The following MKLN1 variants were observed in gnomAD, a reference collection of about 807,000 sequenced individuals.
MKLN1 encodes the protein muskelin.
In MKLN1, 18 loss-of-function variants were observed where a neutral mutation model predicts 99.0. That is an observed-to-expected ratio of 0.18 (90% CI 0.13 to 0.27). MKLN1 has a LOEUF of 0.27. Among genes scored for constraint, MKLN1 ranks in the 10% least tolerant of loss-of-function variants. The pLI is 1.00. For missense variants in MKLN1, 621 were observed against 875.9 expected, an observed-to-expected ratio of 0.71 and a Z score of 3.67; for synonymous variants, 288 against 293.2, an observed-to-expected ratio of 0.98 and a Z score of 0.18.
chr7:131,463,508 C>A (rs373780497), intron 13 of MKLN1, 144 bp downstream of exon 13: 4 of 805,830 alleles, frequency 5.0e-6, no homozygotes, highest in Middle Eastern at 3.6e-4. Context: ...AAATCAATAT[C>A]GGTACCTATG....
chr7:131,113,667 C>CAAAAAAAAAAA (rs71168363), intron 1 of MKLN1, among the ~76,000 whole-genome samples: 1 of 96,464 alleles, frequency 1.0e-5, no homozygotes. Context: ...TACAAAAATA[C>CAAAAAAAAAAA]AAAAAAAAAA....
chr7:131,111,534 C>G (rs985077294), intron 1 of MKLN1, among the ~76,000 whole-genome samples: 1 of 152,172 alleles, frequency 6.6e-6, no homozygotes, highest in Non-Finnish European at 1.5e-5. Flanking sequence ...GGAAAGAAAT[C>G]TTTGCTTCCC....
chr7:131,355,307 T>G (rs1799839915), intron 1 of MKLN1, among the ~76,000 whole-genome samples: 1 of 152,154 alleles, frequency 6.6e-6, no homozygotes, highest in Admixed American at 6.5e-5. Flanking sequence ...CCTTATTTGT[T>G]GTATGGTCAT....
chr7:131,222,888 A>G (rs1286617000), intron 3 of MKLN1, among the ~76,000 whole-genome samples: 24 of 151,826 alleles, frequency 1.6e-4, no homozygotes, highest in African/African-American at 5.8e-4. Context: ...GAAAGAAAAT[A>G]AAAACTAGCC....
intron 7 of MKLN1, among the ~76,000 whole-genome samples, chr7:131,412,993 C>G (rs1239157663): frequency 6.6e-6 from 1 of 152,160 alleles, no homozygotes; most frequent in Non-Finnish European, 1.5e-5. Context: ...TTATAGCAAA[C>G]AGACAGTAAT....
chr7:131,481,438 A>G (rs973641129), intron 17 of MKLN1, among the ~76,000 whole-genome samples: 2 of 152,160 alleles, frequency 1.3e-5, no homozygotes, highest in African/African-American at 4.8e-5. Flanking sequence ...GCGATAACTC[A>G]TGCTTGTAAT....
intron 2 of MKLN1, among the ~76,000 whole-genome samples, chr7:131,381,480 C>A (rs1380805796): frequency 6.6e-6 from 1 of 152,052 alleles, no homozygotes; most frequent in Non-Finnish European, 1.5e-5. Context: ...AAAATATTGC[C>A]CCCATCACTG....
Position 131,467,761 on chromosome 7 carries a change from A to G in MKLN1, c.1928+1346A>G, listed in dbSNP as rs145898026. ...TTTTAAGTAGAGGAGTAACACATTC[A>G]GGCTTGTATTTTATAAAAATCATTC... is the stretch of plus-strand genomic sequence containing the variant. On this transcript the variant is annotated intron_variant, in intron 15 of 17. Transcript: ENST00000352689. Among the ~76,000 whole-genome samples the G allele has an allele frequency of 3.9e-5, 6 of 152,344 alleles. No homozygotes were observed. In the East Asian group the frequency reaches 1.2e-3, roughly 29 times the overall value.
At chr7:131,355,944 G>C (rs1016797434) in intron 1 of MKLN1, among the ~76,000 whole-genome samples, 2 of 150,876 alleles carry the variant, frequency 1.3e-5, no homozygotes, top group Admixed American at 1.3e-4. Flanking sequence ...TGTATGCTTT[G>C]TAATTACTTT....
chr7:131,123,188 T>C (rs940200354), intron 1 of MKLN1, among the ~76,000 whole-genome samples: 1 of 152,170 alleles, frequency 6.6e-6, no homozygotes. Context: ...GTAATAGATG[T>C]AGTTGAAACA....
At chr7:131,370,112 A>C (rs2116831421) in intron 1 of MKLN1, among the ~76,000 whole-genome samples, 1 of 152,370 alleles carries the variant, frequency 6.6e-6, no homozygotes, top group Non-Finnish European at 1.5e-5. Flanking sequence ...TGTTGGGATT[A>C]CAGGCGTGAG....
chr7:131,264,157 T>C (rs999747703), intron 3 of MKLN1, among the ~76,000 whole-genome samples: 3 of 152,148 alleles, frequency 2.0e-5, no homozygotes, highest in Non-Finnish European at 4.4e-5. Flanking sequence ...AATTTAGCCA[T>C]AGACAAATAG....
At position 131,389,089 on chromosome 7, in the gene MKLN1, A is replaced by G. The variant is rs1442567776; in HGVS notation, c.400+117A>G. The G allele has an allele frequency of 3.8e-5, 23 of 603,236 alleles. No homozygotes were observed. In the Admixed American group the frequency reaches 7.6e-4, roughly 20 times the overall value. The allele number at this position is 603,236 out of a possible 1,614,324, so 37.4% of individuals were successfully genotyped here. Reference sequence around the variant, plus strand: ...TTTTTTTAAATACAATTTTATGGGAATATTGCTGCGCTGGTTTGTTTACAT... The same window carrying G: ...TTTTTTTAAATACAATTTTATGGGAGTATTGCTGCGCTGGTTTGTTTACAT... On this transcript the variant is annotated intron_variant, in intron 4 of 17. Transcript: ENST00000352689.
At position 131,490,201 on chromosome 7, in the gene MKLN1, A is replaced by G. The variant is rs890054683; in HGVS notation, c.*2473A>G. 1 of 152,594 alleles carries G rather than the reference A, an allele frequency of 6.6e-6. No individual in the cohort carries two copies. 9.5% of individuals were successfully genotyped at this position (152,594 alleles called of 1,614,324 possible). Reference sequence around the variant, plus strand: ...GTACATTGTTTATATAGCCAAGTGTATATGCTTTACTACCTAACAATTATT... The same window carrying G: ...GTACATTGTTTATATAGCCAAGTGTGTATGCTTTACTACCTAACAATTATT... On this transcript the variant is annotated 3_prime_UTR_variant, in exon 18 of 18. Coordinates refer to ENST00000352689, the MANE Select transcript of MKLN1 (RefSeq NM_013255.5).
intron 2 of MKLN1, among the ~76,000 whole-genome samples, chr7:131,144,984 A>G (rs1795796335): frequency 1.3e-5 from 2 of 151,866 alleles, no homozygotes; most frequent in East Asian, 1.9e-4. Flanking sequence ...TCCCCCAACC[A>G]GCAACAACAA....
chr7:131,203,910 T>C lies in MKLN1; in HGVS notation c.-179+936T>C, dbSNP rs1796766673. 2.0e-5 allele frequency among the ~76,000 whole-genome samples: 3 copies of C among 152,290 alleles called. No individual in the cohort carries two copies. In the South Asian group the frequency reaches 6.2e-4, roughly 32 times the overall value. ...TCCTAACATAGCCCTCATTTATTGA[T>C]GACTCCATGTCCTGGGCCCTGGGCG... On this transcript the variant is annotated intron_variant, in intron 3 of 7. Transcript: ENST00000416992.
chr7:131,436,764 C>G (rs533502055), intron 9 of MKLN1, among the ~76,000 whole-genome samples: 16 of 152,132 alleles, frequency 1.1e-4, no homozygotes, highest in Non-Finnish European at 1.5e-4. Flanking sequence ...CCCGATGAAC[C>G]CTTTTGACTA....
intron 3 of MKLN1, among the ~76,000 whole-genome samples, chr7:131,265,305 A>G (rs1017784866): frequency 7.9e-5 from 12 of 152,316 alleles, no homozygotes; most frequent in African/African-American, 2.9e-4. Context: ...ACCCCATGGT[A>G]GTTTGCAAGG....
intron 4 of MKLN1, among the ~76,000 whole-genome samples, chr7:131,394,901 C>G (rs1170331279): frequency 6.6e-6 from 1 of 151,978 alleles, no homozygotes; most frequent in Non-Finnish European, 1.5e-5. Context: ...GGACTTTTTA[C>G]CCAGGTGTGA....
Sources: allele counts gnomAD v4.1 joint callset (sites outside exome capture counted in the v4.1 genomes callset), GRCh38; gene constraint gnomAD v4.1.1; transcripts MANE v1.5; gene names NCBI Gene and HGNC (gene_info 2026-07-23, HGNC 2026-07-21).